TBCA: variants seen among roughly 807,000 people sequenced by gnomAD.
The protein encoded by TBCA is tubulin folding cofactor A.
In TBCA, 6 loss-of-function variants were observed where a neutral mutation model predicts 15.8. That is an observed-to-expected ratio of 0.38 (90% CI 0.21 to 0.75). The LOEUF is 0.75. TBCA is among the 30% of genes least tolerant of loss of function. The pLI is 0.46. For synonymous variants in TBCA, 32 were observed against 42.3 expected, an observed-to-expected ratio of 0.76 and a Z score of 0.94; for missense variants, 90 against 131.2, an observed-to-expected ratio of 0.69 and a Z score of 1.53.
At chr5:77,751,544 G>T (rs1426014833) in intron 1 of TBCA, among the ~76,000 whole-genome samples, 1 of 151,960 alleles carries the variant, frequency 6.6e-6, no homozygotes, top group Non-Finnish European at 1.5e-5. Context: ...TAAGATGGTT[G>T]GGGGTGGGGG....
At chr5:77,740,610 T>C (rs1309188375) in intron 1 of TBCA, among the ~76,000 whole-genome samples, 2 of 152,076 alleles carry the variant, frequency 1.3e-5, no homozygotes, top group Admixed American at 1.3e-4. Context: ...TTTTATCATG[T>C]TGTGTTTAAA....
At chr5:77,745,230 T>TA (rs1747160022) in intron 1 of TBCA, among the ~76,000 whole-genome samples, 1 of 152,182 alleles carries the variant, frequency 6.6e-6, no homozygotes, top group African/African-American at 2.4e-5. Context: ...AAAACATTAG[T>TA]ATTCAATAAA....
At chr5:77,734,999 T>C (rs765577241) in intron 1 of TBCA, among the ~76,000 whole-genome samples, 4 of 152,226 alleles carry the variant, frequency 2.6e-5, no homozygotes, top group Non-Finnish European at 5.9e-5. Flanking sequence ...TTATGGTATG[T>C]ACATTTTTTA....
intron 1 of TBCA, among the ~76,000 whole-genome samples, chr5:77,730,883 C>T (rs1746753065): frequency 6.6e-6 from 1 of 152,166 alleles, no homozygotes; most frequent in South Asian, 2.1e-4. Flanking sequence ...TTAATACATA[C>T]AACCCTCCAT....
chr5:77,765,889 A>G (rs1422282487), intron 1 of TBCA, among the ~76,000 whole-genome samples: 1 of 92,066 alleles, frequency 1.1e-5, no homozygotes, highest in African/African-American at 2.9e-5. Context: ...GCCAAAAAAA[A>G]AAAAAAAAAA....
At position 77,708,697 on chromosome 5, in the gene TBCA, G is replaced by C. The variant is rs1335316989; in HGVS notation, c.54-350C>G. 3.2e-5 allele frequency: 5 copies of C among 156,340 alleles called. No homozygotes were observed. The East Asian group carries it at 9.3e-4, about 29-fold the overall frequency. 9.7% of individuals were successfully genotyped at this position (156,340 alleles called of 1,614,324 possible). On this transcript the variant is annotated intron_variant, in intron 1 of 3. Transcript: ENST00000380377. Reference sequence around the variant, plus strand: ...CCATTCTCCTGCCTCAGCCTCCCGAGTAGCTGAGACTACAGGCACCCGTCA... The same window carrying C: ...CCATTCTCCTGCCTCAGCCTCCCGACTAGCTGAGACTACAGGCACCCGTCA...
chr5:77,736,892 T>G (rs989771932), intron 1 of TBCA, among the ~76,000 whole-genome samples: 3 of 152,238 alleles, frequency 2.0e-5, no homozygotes, highest in African/African-American at 7.2e-5. Flanking sequence ...TCTGCCCAAT[T>G]GCATCACAAA....
chr5:77,718,808 G>A (rs1052191189), intron 1 of TBCA, among the ~76,000 whole-genome samples: 2 of 152,152 alleles, frequency 1.3e-5, no homozygotes, highest in Admixed American at 1.3e-4. Flanking sequence ...GATGCTGCTT[G>A]TTCTGAATGG....
At chr5:77,750,149 T>TGG (rs1554045751) in intron 1 of TBCA, among the ~76,000 whole-genome samples, 1 of 150,176 alleles carries the variant, frequency 6.7e-6, no homozygotes, top group Non-Finnish European at 1.5e-5. Context: ...TCTATATATA[T>TGG]AGAGAGAGAG....
chr5:77,723,580 C>T (rs775836988), intron 1 of TBCA, among the ~76,000 whole-genome samples: 1 of 151,956 alleles, frequency 6.6e-6, no homozygotes. Context: ...TACTGGACTA[C>T]TTGTTCTTCC....
chr5:77,744,063 C>T (rs1283852705), intron 1 of TBCA, among the ~76,000 whole-genome samples: 3 of 152,112 alleles, frequency 2.0e-5, no homozygotes, highest in East Asian at 1.9e-4. Context: ...CTCCACGGAC[C>T]CTAAATGCTC....
intron 2 of TBCA, among the ~76,000 whole-genome samples, chr5:77,698,388 C>T (rs1359286862): frequency 1.3e-5 from 2 of 152,176 alleles, no homozygotes; most frequent in African/African-American, 2.4e-5. Flanking sequence ...AAACTACCAA[C>T]TACCCAAACT....
intron 1 of TBCA, among the ~76,000 whole-genome samples, chr5:77,731,324 G>A (rs1421265975): frequency 1.3e-5 from 2 of 152,132 alleles, no homozygotes; most frequent in Non-Finnish European, 2.9e-5. Context: ...GCCTAAATTT[G>A]AATCCTAGTT....
At chr5:77,765,501 C>T (rs189051734) in intron 1 of TBCA, among the ~76,000 whole-genome samples, 63 of 152,320 alleles carry the variant, frequency 4.1e-4, no homozygotes, top group African/African-American at 1.5e-3. Context: ...ATGGTGACAC[C>T]TGAAGCCCAA....
chr5:77,739,500 C>G (rs1396888849), intron 1 of TBCA, among the ~76,000 whole-genome samples: 2 of 152,124 alleles, frequency 1.3e-5, no homozygotes, highest in African/African-American at 4.8e-5. Context: ...TAGAGAAGGC[C>G]AATCATCTTT....
At chr5:77,730,484 T>C (rs1461701144) in intron 1 of TBCA, among the ~76,000 whole-genome samples, 1 of 152,238 alleles carries the variant, frequency 6.6e-6, no homozygotes, top group Non-Finnish European at 1.5e-5. Context: ...ATTTTAGTTG[T>C]TTTTATGCCA....
At chr5:77,761,897 G>A (rs943416741) in intron 1 of TBCA, among the ~76,000 whole-genome samples, 1 of 152,192 alleles carries the variant, frequency 6.6e-6, no homozygotes, top group Non-Finnish European at 1.5e-5. Flanking sequence ...AGTTACATGG[G>A]AAAGTTTAAT....
chr5:77,761,250 AAAG>A (rs1747628843), intron 1 of TBCA, among the ~76,000 whole-genome samples: 1 of 152,060 alleles, frequency 6.6e-6, no homozygotes, highest in Admixed American at 6.6e-5. Flanking sequence ...GTCTGTGTAG[AAAG>A]AAGTAGACAT....
intron 1 of TBCA, among the ~76,000 whole-genome samples, chr5:77,738,344 T>C (rs931395079): frequency 6.6e-6 from 1 of 152,246 alleles, no homozygotes; most frequent in African/African-American, 2.4e-5. Context: ...GTCTTAGTTC[T>C]GACCTTTGCT....
Sources: allele counts gnomAD v4.1 joint callset (sites outside exome capture counted in the v4.1 genomes callset), GRCh38; gene constraint gnomAD v4.1.1; transcripts MANE v1.5; gene names NCBI Gene and HGNC (gene_info 2026-07-23, HGNC 2026-07-21).